CCSER1: variants seen among roughly 807,000 people sequenced by gnomAD.
CCSER1 encodes serine-rich coiled-coil domain-containing protein 1.
A neutral mutation model predicts 82.0 loss-of-function variants in CCSER1; 41 were observed. That is an observed-to-expected ratio of 0.50 (90% CI 0.39 to 0.65). The LOEUF (loss-of-function observed/expected upper bound fraction) is 0.65, where lower values mean the gene tolerates loss of function less well. Among genes scored for constraint, CCSER1 ranks in the 30% least tolerant of loss-of-function variants. CCSER1 has a pLI of 0.00. For missense variants in CCSER1, 1,119 were observed against 1,064.2 expected, an observed-to-expected ratio of 1.05 and a Z score of -0.72; for synonymous variants, 414 against 383.9, an observed-to-expected ratio of 1.08 and a Z score of -0.92.
At chr4:90,560,395 C>A (rs1778627624) in intron 5 of CCSER1, among the ~76,000 whole-genome samples, 1 of 152,062 alleles carries the variant, frequency 6.6e-6, no homozygotes, top group African/African-American at 2.4e-5. Context: ...CAGAATTGTC[C>A]TGTCAATACT....
At chr4:91,094,291 A>C (rs1724274835) in intron 10 of CCSER1, among the ~76,000 whole-genome samples, 1 of 152,140 alleles carries the variant, frequency 6.6e-6, no homozygotes, top group Non-Finnish European at 1.5e-5. Flanking sequence ...GAGTAGTAAC[A>C]CCTGACCCCG....
In CCSER1 at chr4:91,006,737, C is replaced by T. The variant is rs561253371; in HGVS notation, c.2173-79213C>T. ...TGATCTCCTGACCTCGTGATCCACC[C>T]GCCTTGGCCTCCCAAAGTGCTGGGA... is the stretch of plus-strand genomic sequence containing the variant. On this transcript the variant is annotated intron_variant, in intron 9 of 10. Coordinates refer to ENST00000509176, the MANE Select transcript of CCSER1 (RefSeq NM_001145065.2). Among the ~76,000 whole-genome samples, 11 of 152,142 alleles carry T rather than the reference C, an allele frequency of 7.2e-5. No homozygotes were observed. The East Asian group carries it at 2.1e-3, about 29-fold the overall frequency.
rs957448457 is a variant in CCSER1 at position 91,407,461 on chromosome 4, A to T, written c.2218-191111A>T. Among the ~76,000 whole-genome samples the T allele has an allele frequency of 3.9e-5, 6 of 152,290 alleles. No homozygotes were observed. In the East Asian group the frequency reaches 1.2e-3, roughly 29 times the overall value. Reference sequence around the variant, plus strand: ...CTGCCACTTTTTATCTCATGTTGTCATGCACATTAGAGAGGTAGACAAGAA... The same window carrying T: ...CTGCCACTTTTTATCTCATGTTGTCTTGCACATTAGAGAGGTAGACAAGAA... On this transcript the variant is annotated intron_variant, in intron 10 of 10. Coordinates refer to ENST00000509176, the MANE Select transcript of CCSER1 (RefSeq NM_001145065.2).
At chr4:90,509,395 C>T (rs904288941) in intron 5 of CCSER1, among the ~76,000 whole-genome samples, 3 of 152,010 alleles carry the variant, frequency 2.0e-5, no homozygotes, top group Non-Finnish European at 4.4e-5. Context: ...GTTCCATATC[C>T]TATAAAAGAA....
At chr4:91,147,581 A>G (rs1581645557) in intron 10 of CCSER1, among the ~76,000 whole-genome samples, 1 of 152,302 alleles carries the variant, frequency 6.6e-6, no homozygotes, top group South Asian at 2.1e-4. Context: ...CAATACTCTT[A>G]GGCAGTGTGC....
In CCSER1 at chr4:90,193,065, G is replaced by A. The variant is rs556636153; in HGVS notation, c.-42+65234G>A. ...TCTCAGGAGCAAGTCCTACATATCC[G>A]TGGTAGCAACATGTTATTTTCTAAT... On this transcript the variant is annotated intron_variant, in intron 1 of 10. Transcript: ENST00000509176. 8.5e-5 allele frequency among the ~76,000 whole-genome samples: 13 copies of A among 152,130 alleles called. No homozygotes were observed. The South Asian group carries it at 1.7e-3, about 19-fold the overall frequency.
intron 9 of CCSER1, among the ~76,000 whole-genome samples, chr4:90,987,457 T>C (rs1172600103): frequency 6.6e-6 from 1 of 151,580 alleles, no homozygotes; most frequent in African/African-American, 2.4e-5. Flanking sequence ...TAAGCATCCT[T>C]TCTCTCTGGT....
intron 8 of CCSER1, among the ~76,000 whole-genome samples, chr4:90,875,070 C>T (rs990655599): frequency 3.3e-5 from 5 of 151,952 alleles, no homozygotes; most frequent in Non-Finnish European, 7.4e-5. Flanking sequence ...ACAACAACAA[C>T]AGCAAGAACA....
At chr4:90,218,322 G>A (rs1363477899) in intron 1 of CCSER1, among the ~76,000 whole-genome samples, 2 of 152,164 alleles carry the variant, frequency 1.3e-5, no homozygotes, top group African/African-American at 4.8e-5. Context: ...GTTGGATTCA[G>A]TTTGCTAGTA....
At chr4:91,179,226 C>T (rs1173398392) in intron 10 of CCSER1, among the ~76,000 whole-genome samples, 1 of 152,114 alleles carries the variant, frequency 6.6e-6, no homozygotes, top group African/African-American at 2.4e-5. Context: ...TGTCTGGCTG[C>T]CCTTAAAATT....
chr4:91,137,232 A>G (rs982345748), intron 10 of CCSER1, among the ~76,000 whole-genome samples: 7 of 114,688 alleles, frequency 6.1e-5, no homozygotes, highest in Admixed American at 9.4e-5. Context: ...TCATTGTTCA[A>G]TTCCCACCTA....
chr4:90,367,573 G>T (rs868377132), intron 3 of CCSER1, among the ~76,000 whole-genome samples: 27 of 151,380 alleles, frequency 1.8e-4, no homozygotes, highest in African/African-American at 6.3e-4. Context: ...TAGAAATAAG[G>T]CCACAAAGAC....
chr4:91,272,510 T>C (rs1007953766), intron 10 of CCSER1, among the ~76,000 whole-genome samples: 13 of 152,348 alleles, frequency 8.5e-5, no homozygotes, highest in African/African-American at 2.9e-4. Flanking sequence ...CTTTGTCAGA[T>C]ATATAGATTG....
intron 6 of CCSER1, among the ~76,000 whole-genome samples, chr4:90,688,581 A>G (rs1306183729): frequency 2.0e-5 from 3 of 152,086 alleles, no homozygotes; most frequent in Admixed American, 6.6e-5. Context: ...CAGTGTAGTA[A>G]AAAGACCCAC....
chr4:91,538,516 A>G (rs868470952), intron 10 of CCSER1, among the ~76,000 whole-genome samples: 1 of 151,576 alleles, frequency 6.6e-6, no homozygotes, highest in South Asian at 2.1e-4. Context: ...TCAGGCTTAG[A>G]AAAAATGAGG....
At chr4:90,214,121 G>T (rs114864968) in intron 1 of CCSER1, among the ~76,000 whole-genome samples, 2,418 of 152,226 alleles carry the variant, frequency 0.016, 36 homozygotes, top group African/African-American at 0.041. Context: ...GGAATGAGGC[G>T]ATTAATTTGC....
At chr4:91,355,282 C>G (rs1239956847) in intron 10 of CCSER1, among the ~76,000 whole-genome samples, 1 of 151,788 alleles carries the variant, frequency 6.6e-6, no homozygotes, top group Non-Finnish European at 1.5e-5. Flanking sequence ...AATAGCAGCA[C>G]AAGTGTCAAA....
chr4:91,022,568 C>A (rs1237436066), intron 9 of CCSER1, among the ~76,000 whole-genome samples: 1 of 152,118 alleles, frequency 6.6e-6, no homozygotes. Flanking sequence ...AGTTCTAGAT[C>A]CCTGAGGAAT....
intron 10 of CCSER1, among the ~76,000 whole-genome samples, chr4:91,423,204 T>A (rs1000379239): frequency 4.0e-5 from 6 of 151,444 alleles, no homozygotes; most frequent in Admixed American, 4.0e-4. Flanking sequence ...GGCGGGCAGA[T>A]CACCTGAGGT....
Sources: gnomAD v4.1 joint callset for allele counts (sites outside exome capture counted in the v4.1 genomes callset) on GRCh38, gnomAD v4.1.1 for gene constraint, MANE v1.5 for transcripts, NCBI Gene and HGNC (gene_info 2026-07-23, HGNC 2026-07-21) for gene names.